CREM: variants seen among roughly 807,000 people sequenced by gnomAD.
CREM encodes cAMP responsive element modulator, also known as cAMP-responsive element modulator.
A neutral mutation model predicts 37.3 loss-of-function variants in CREM; 13 were observed. The ratio of observed to expected loss-of-function variants is 0.35; its 90% CI spans 0.23 to 0.55. The LOEUF (loss-of-function observed/expected upper bound fraction) is 0.55. Ranked by LOEUF, CREM falls within the 20% of genes least tolerant of loss-of-function variation. The pLI is 0.88. For synonymous variants in CREM, 124 were observed against 120.2 expected (o/e 1.03, Z -0.21); for missense variants, 296 against 362.3 (o/e 0.82, Z 1.49).
intron 6 of CREM, among the ~76,000 whole-genome samples, chr10:35,199,822 T>A (rs2095329598): frequency 6.6e-6 from 1 of 151,284 alleles, no homozygotes; most frequent in Admixed American, 6.6e-5. Context: ...TACATGCTGC[T>A]ACACACTGCT....
chr10:35,152,678 TC>T (rs1229143562), intron 3 of CREM, among the ~76,000 whole-genome samples: 2 of 152,220 alleles, frequency 1.3e-5, no homozygotes, highest in Admixed American at 6.5e-5. Context: ...CTCGCTGGAT[TC>T]TGGTAAAACT....
intron 5 of CREM, among the ~76,000 whole-genome samples, chr10:35,186,894 T>C (rs2094583713): frequency 1.1e-5 from 1 of 90,888 alleles, no homozygotes; most frequent in Non-Finnish European, 2.0e-5. Context: ...TATAAATAAT[T>C]ATAAAAATAT....
chr10:35,137,709 A>G (rs2090782429), intron 1 of CREM, 73 bp from the exon 2 acceptor site: 2 of 600,338 alleles, frequency 3.3e-6, no homozygotes, highest in South Asian at 5.1e-5. Flanking sequence ...TTTAATTTAA[A>G]TAAAATTTAA....
intron 3 of CREM, chr10:35,158,758 T>C (rs1017760766): frequency 6.6e-6 from 1 of 151,940 alleles, no homozygotes; most frequent in African/African-American, 2.4e-5. Context: ...GTATATTATA[T>C]AATAGGTCCC....
intron 2 of CREM, among the ~76,000 whole-genome samples, chr10:35,142,693 C>T (rs528381824): frequency 5.3e-4 from 80 of 152,286 alleles, no homozygotes; most frequent in Non-Finnish European, 9.6e-4. Context: ...GCAGTCTTGA[C>T]CTCCTGAGCT....
intron 3 of CREM, chr10:35,175,643 G>A (rs2094021821): frequency 1.9e-6 from 3 of 1,599,404 alleles, no homozygotes; most frequent in African/African-American, 2.7e-5. Context: ...TAAGGAGCAT[G>A]TGTTCCTTAA....
At chr10:35,161,114 T>C (rs1403453986) in intron 3 of CREM, among the ~76,000 whole-genome samples, 1 of 152,156 alleles carries the variant, frequency 6.6e-6, no homozygotes, top group Admixed American at 6.5e-5. Flanking sequence ...GCATATGTAC[T>C]GTACATAATT....
chr10:35,189,765 C>T (rs1045176734), intron 6 of CREM, among the ~76,000 whole-genome samples: 2 of 152,190 alleles, frequency 1.3e-5, no homozygotes, highest in Non-Finnish European at 2.9e-5. Flanking sequence ...GTCCACCCAC[C>T]TTGGCCTCCC....
At chr10:35,187,149 A>AATT (rs2094648701) in intron 5 of CREM, among the ~76,000 whole-genome samples, 1 of 70,628 alleles carries the variant, frequency 1.4e-5, no homozygotes, top group East Asian at 3.9e-4. Context: ...AATATATAAT[A>AATT]TATATAATAT....
chr10:35,127,249 G>A (rs2087947721), intron 1 of CREM, 56 bp downstream of exon 1: 1 of 153,662 alleles, frequency 6.5e-6, no homozygotes, highest in African/African-American at 2.4e-5. Flanking sequence ...CGCGGCGCAG[G>A]AGGTGGAGGT....
chr10:35,204,596 CAAA>C (rs397845623), intron 6 of CREM, among the ~76,000 whole-genome samples: 73 of 89,500 alleles, frequency 8.2e-4, no homozygotes, highest in Middle Eastern at 5.6e-3. Context: ...AACTACGTCT[CAAA>C]AAAAAAAAAA....
chr10:35,179,824 A>C (rs2094276740), intron 5 of CREM: 1 of 152,418 alleles, frequency 6.6e-6, no homozygotes, highest in Non-Finnish European at 1.5e-5. Flanking sequence ...GAAAGCTCTA[A>C]ATAAACAGAT....
rs533964232 is a variant in CREM, at chr10:35,189,643, G to A, written c.598+1255G>A. Among the ~76,000 whole-genome samples the A allele has an allele frequency of 2.0e-5, 3 of 152,184 alleles. No individual in the cohort carries two copies. In the East Asian group the frequency reaches 5.8e-4, roughly 29 times the overall value. On this transcript the variant is annotated intron_variant, in intron 6 of 7. Coordinates refer to ENST00000685392, the MANE Select transcript of CREM (RefSeq NM_183011.2). ...CAATTCTTCTGCCTCAGCCTCCCGA[G>A]TAGCTGGGACTACAGGTGCATAACG...
intron 3 of CREM, among the ~76,000 whole-genome samples, chr10:35,152,720 A>G (rs2092672813): frequency 6.6e-6 from 1 of 152,244 alleles, no homozygotes; most frequent in South Asian, 2.1e-4. Flanking sequence ...TCCATTTTAA[A>G]TAACCTGGCC....
At chr10:35,165,554 A>T (rs1186158772) in intron 3 of CREM, among the ~76,000 whole-genome samples, 1 of 152,110 alleles carries the variant, frequency 6.6e-6, no homozygotes, top group Admixed American at 6.6e-5. Flanking sequence ...CAAATTCTTT[A>T]TGTGTATTTA....
At chr10:35,158,400 G>A (rs955054110) in intron 3 of CREM, 52 of 281,062 alleles carry the variant, frequency 1.9e-4, no homozygotes, top group African/African-American at 9.7e-4. Context: ...ATGAACCGGG[G>A]GCTGAAGCAG....
intron 1 of CREM, 144 bp from the exon 2 acceptor site, chr10:35,137,638 T>A (rs772399196): frequency 3.1e-6 from 1 of 325,216 alleles, no homozygotes. Context: ...GGGGGGGAGT[T>A]ATTTTTTATT....
At chr10:35,185,059 ATTCATTCT>A (rs2094496987) in intron 5 of CREM, among the ~76,000 whole-genome samples, 2 of 131,456 alleles carry the variant, frequency 1.5e-5, no homozygotes, top group South Asian at 5.0e-4. Context: ...TCATTCATTC[ATTCATTCT>A]ATTTTTTGAG....
At position 35,180,600 on chromosome 10, in the gene CREM, G is replaced by C. The variant is rs544540742; in HGVS notation, c.409+1324G>C. On this transcript the variant is annotated intron_variant, in intron 5 of 7. Transcript: ENST00000685392. ...CACCCAGTAGACTTGTCCAAAGTCA[G>C]TGTTAGGAAAAGAAAATCCCCACCA... 6.6e-5 allele frequency among the ~76,000 whole-genome samples: 10 copies of C among 152,342 alleles called. No homozygotes were observed. The South Asian group carries it at 1.9e-3, about 28-fold the overall frequency.
Sources: allele counts gnomAD v4.1 joint callset (sites outside exome capture counted in the v4.1 genomes callset), GRCh38; gene constraint gnomAD v4.1.1; transcripts MANE v1.5; gene names NCBI Gene and HGNC (gene_info 2026-07-23, HGNC 2026-07-21).